The following CTBP2 variants were observed in gnomAD, a reference collection of about 807,000 sequenced individuals.
CTBP2 encodes the protein C-terminal binding protein 2.
In CTBP2, 30 loss-of-function variants were observed where a neutral mutation model predicts 80.3. That is an observed-to-expected ratio of 0.37 (90% CI 0.28 to 0.51). The LOEUF (loss-of-function observed/expected upper bound fraction) is 0.51, where lower values mean the gene tolerates loss of function less well. CTBP2 is among the 20% of genes least tolerant of loss of function. The pLI is 0.93. For synonymous variants in CTBP2, 594 were observed against 587.4 expected, an observed-to-expected ratio of 1.01 and a Z score of -0.16; for missense variants, 1,212 against 1,375.3, an observed-to-expected ratio of 0.88 and a Z score of 1.88.
At chr10:125,017,694 G>C (rs1956629168) in intron 1 of CTBP2, among the ~76,000 whole-genome samples, 1 of 152,228 alleles carries the variant, frequency 6.6e-6, no homozygotes, top group Non-Finnish European at 1.5e-5. Context: ...CCAGGCAGCA[G>C]CATGATCCAG....
At chr10:125,069,605 G>A (rs1845149816) in intron 2 of CTBP2, among the ~76,000 whole-genome samples, 1 of 152,184 alleles carries the variant, frequency 6.6e-6, no homozygotes, top group African/African-American at 2.4e-5. Context: ...GGGCGACAGA[G>A]TGAGACTTCA....
At position 125,003,121 on chromosome 10, in the gene CTBP2, C is replaced by T; in HGVS notation, c.1834-17G>A. On this transcript the variant is annotated splice_polypyrimidine_tract_variant and intron_variant, in intron 2 of 8. Transcript: ENST00000309035. ...GTTTAGAACCTGCGTGGGAACAGAG[C>T]ACAGGGTCGGAGCCCCACCCCGTGC... 6.2e-7 allele frequency: 1 copy of T among 1,613,618 alleles called. No individual in the cohort carries two copies. Among genetic ancestry groups the T allele is most frequent in the South Asian group, 1.1e-5 (1 of 91,076 alleles).
At position 125,064,748 on chromosome 10, in the gene CTBP2, G is replaced by T. The variant is rs149071177; in HGVS notation, c.-101-25593C>A. ...CCCGCCACGCCAGTGTCCCCAGTCA[G>T]CCTTGACCCTGCTTCCCTGACTGTG... On this transcript the variant is annotated intron_variant, in intron 2 of 10. Coordinates refer to the CTBP2 transcript ENST00000337195. 4.7e-3 allele frequency among the ~76,000 whole-genome samples: 719 copies of T among 152,332 alleles called. 3 individuals are homozygous for T. The highest frequency in any genetic ancestry group is 8.2e-3 in the Non-Finnish European group (559 of 68,032).
At chr10:125,035,089 G>A (rs1294960889) in intron 3 of CTBP2, among the ~76,000 whole-genome samples, 1 of 152,172 alleles carries the variant, frequency 6.6e-6, no homozygotes, top group East Asian at 1.9e-4. Flanking sequence ...CCGCGACACA[G>A]AAGAGACCCA....
rs1021413395 is a variant in CTBP2 at position 125,004,270 on chromosome 10, A to G, written c.1679-778T>C. ...TCTAGACGTTCAGCAGGGTGGTGGA[A>G]GGCCTTACCTGCCACACTACAGACG... On this transcript the variant is annotated intron_variant, in intron 1 of 8. Coordinates refer to ENST00000309035, the MANE Select transcript of CTBP2 (RefSeq NM_022802.3). 2.0e-5 allele frequency among the ~76,000 whole-genome samples: 3 copies of G among 152,324 alleles called. No homozygotes were observed. In the East Asian group the frequency reaches 5.8e-4, roughly 29 times the overall value.
chr10:125,143,124 C>T (rs1485273957), intron 1 of CTBP2, among the ~76,000 whole-genome samples: 1 of 152,098 alleles, frequency 6.6e-6, no homozygotes, highest in Non-Finnish European at 1.5e-5. Context: ...AGCCCGGCAG[C>T]CCCCCCACGA....
chr10:124,992,646 CG>C (rs57979465), intron 8 of CTBP2, 48 bp downstream of exon 10: 363,495 of 1,414,514 alleles, frequency 0.26, 48,862 homozygotes, highest in Admixed American at 0.39. Flanking sequence ...TCCCTGGCCC[CG>C]GGGCCGTGGT....
At chr10:125,087,133 G>C (rs1355894128) in intron 2 of CTBP2, among the ~76,000 whole-genome samples, 1 of 150,500 alleles carries the variant, frequency 6.6e-6, no homozygotes, top group Non-Finnish European at 1.5e-5. Flanking sequence ...AGAGTGCAGT[G>C]GTGTGATCTC....
chr10:125,103,671 C>G (rs1205520098), intron 2 of CTBP2, among the ~76,000 whole-genome samples: 1 of 152,186 alleles, frequency 6.6e-6, no homozygotes, highest in East Asian at 1.9e-4. Flanking sequence ...GAGCCAAGGT[C>G]TCCTAGGACG....
chr10:124,992,456 T>A (rs555327474), intron 8 of CTBP2, among the ~76,000 whole-genome samples: 1 of 152,306 alleles, frequency 6.6e-6, no homozygotes, highest in South Asian at 2.1e-4. Context: ...CTAGCACCTG[T>A]GGTCAATCAC....
Position 125,103,069 on chromosome 10 carries a change from C to T in CTBP2, c.-102+7921G>A, listed in dbSNP as rs1022520989. Among the ~76,000 whole-genome samples, 75 of 152,278 alleles carry T rather than the reference C, an allele frequency of 4.9e-4. 1 individual carries two copies. Among genetic ancestry groups the T allele is most frequent in the African/African-American group, 1.2e-3 (48 of 41,558 alleles). ...GCGGGGGCATGACTTCACTTCCCTG[C>T]GGTGGAAAGCTCAAGAACACGGCGT... is the stretch of plus-strand genomic sequence containing the variant. On this transcript the variant is annotated intron_variant, in intron 2 of 10. Transcript: ENST00000337195.
intron 2 of CTBP2, among the ~76,000 whole-genome samples, chr10:125,045,286 A>C (rs1960943981): frequency 1.3e-5 from 2 of 152,194 alleles, no homozygotes; most frequent in Admixed American, 1.3e-4. Flanking sequence ...GAGCTGTGAG[A>C]AATAAAGCCA....
chr10:125,056,427 C>T (rs1458283472), intron 2 of CTBP2, among the ~76,000 whole-genome samples: 4 of 152,138 alleles, frequency 2.6e-5, no homozygotes, highest in East Asian at 3.9e-4. Context: ...GGTGAGTCCC[C>T]GAAACCTCAG....
chr10:125,010,413 T>C (rs763432913), intron 1 of CTBP2, among the ~76,000 whole-genome samples: 64 of 152,176 alleles, frequency 4.2e-4, no homozygotes, highest in Non-Finnish European at 3.5e-4. Flanking sequence ...CAGTAATGTA[T>C]AGGTAGTATG....
In CTBP2 at chr10:125,026,352, T is replaced by G; in HGVS notation, c.1408A>C (p.Asn470His). 6.2e-7 allele frequency: 1 copy of G among 1,613,432 alleles called. No individual in the cohort carries two copies. Among genetic ancestry groups the G allele is most frequent in the Non-Finnish European group, 8.5e-7 (1 of 1,179,834 alleles). Residue 470 changes from asparagine (N) to histidine (H), a missense_variant, in exon 1 of 9, where the codon AAC (asparagine) becomes CAC (histidine). Coordinates refer to ENST00000309035, the MANE Select transcript of CTBP2 (RefSeq NM_022802.3). ...GTTCTGGGGCCTGGGTGAAGGGGGT[T>G]TGAGGGGCCCGGGTTAGTCAAGGCC...
intron 1 of CTBP2, among the ~76,000 whole-genome samples, chr10:125,155,011 T>C (rs776366035): frequency 6.6e-6 from 1 of 152,246 alleles, no homozygotes; most frequent in African/African-American, 2.4e-5. Flanking sequence ...CTTTCTGAAG[T>C]TGAATATCAT....
At chr10:125,149,643 G>A (rs1859460115) in intron 1 of CTBP2, among the ~76,000 whole-genome samples, 2 of 152,244 alleles carry the variant, frequency 1.3e-5, no homozygotes, top group Non-Finnish European at 2.9e-5. Flanking sequence ...GTGCTCACAA[G>A]TGTACACACG....
chr10:125,123,210 C>T (rs1854629139), intron 1 of CTBP2, among the ~76,000 whole-genome samples: 1 of 146,558 alleles, frequency 6.8e-6, no homozygotes, highest in Non-Finnish European at 1.5e-5. Context: ...GTGGATATGA[C>T]TATAAAAGGG....
chr10:125,038,258 C>T (rs3781395), intron 3 of CTBP2, among the ~76,000 whole-genome samples: 30,090 of 152,076 alleles, frequency 0.2, 3,724 homozygotes, highest in East Asian at 0.28. Context: ...TCAGCGTGTG[C>T]GTGAAGGGTG....
Sources: gnomAD v4.1 joint callset for allele counts (sites outside exome capture counted in the v4.1 genomes callset) on GRCh38, gnomAD v4.1.1 for gene constraint, MANE v1.5 for transcripts, NCBI Gene and HGNC (gene_info 2026-07-23, HGNC 2026-07-21) for gene names.